The following KDM4C variants were observed in gnomAD, a reference collection of about 807,000 sequenced individuals.
The protein encoded by KDM4C is lysine-specific demethylase 4C.
A neutral mutation model predicts 129.3 loss-of-function variants in KDM4C; 81 were observed. The ratio of observed to expected loss-of-function variants is 0.63; its 90% CI spans 0.52 to 0.75. The LOEUF (loss-of-function observed/expected upper bound fraction) is 0.75, where lower values mean the gene tolerates loss of function less well. Among genes scored for constraint, KDM4C ranks in the 30% least tolerant of loss-of-function variants. The pLI is 0.00. For missense variants in KDM4C, 1,457 were observed against 1,304.0 expected (o/e 1.12, Z -1.81); for synonymous variants, 573 against 456.1 (o/e 1.26, Z -3.26).
intron 21 of KDM4C, among the ~76,000 whole-genome samples, chr9:7,172,642 G>A (rs902229557): frequency 5.3e-5 from 8 of 152,244 alleles, no homozygotes; most frequent in Non-Finnish European, 1.0e-4. Flanking sequence ...GGGGGAAGCC[G>A]TGGAGGTGGC....
intron 19 of KDM4C, among the ~76,000 whole-genome samples, chr9:7,158,538 T>TTG (rs916088630): frequency 6.6e-6 from 1 of 152,124 alleles, no homozygotes; most frequent in African/African-American, 2.4e-5. Context: ...TTCTGGTATG[T>TTG]TGTCTTTGTT....
chr9:6,799,529 C>T (rs1042785371), intron 2 of KDM4C, among the ~76,000 whole-genome samples: 3 of 150,264 alleles, frequency 2.0e-5, no homozygotes, highest in South Asian at 2.1e-4. Flanking sequence ...AGTCCAACTT[C>T]GGCTTGGCAT....
intron 4 of KDM4C, among the ~76,000 whole-genome samples, chr9:6,826,462 A>T (rs186822765): frequency 1.6e-3 from 244 of 152,294 alleles, no homozygotes; most frequent in African/African-American, 5.6e-3. Flanking sequence ...ATAATTGCAT[A>T]TAAAAAAAAT....
intron 1 of KDM4C, chr9:6,749,025 A>T (rs764284010): frequency 2.1e-5 from 14 of 652,512 alleles, no homozygotes; most frequent in African/African-American, 1.1e-4. Flanking sequence ...TATTATTATT[A>T]TTTTTATTTT....
intron 21 of KDM4C, among the ~76,000 whole-genome samples, chr9:7,171,189 A>G (rs908994236): frequency 1.8e-4 from 27 of 152,150 alleles, no homozygotes; most frequent in Admixed American, 1.5e-3. Context: ...CGTCAAGAGG[A>G]GTGGTGGTAT....
chr9:6,867,519 T>C (rs941601374), intron 5 of KDM4C, among the ~76,000 whole-genome samples: 29 of 152,346 alleles, frequency 1.9e-4, no homozygotes, highest in African/African-American at 5.8e-4. Flanking sequence ...ATTTTTGATA[T>C]GGGCAGACAG....
intron 17 of KDM4C, among the ~76,000 whole-genome samples, chr9:7,093,740 C>T (rs574635403): frequency 1.3e-5 from 2 of 152,310 alleles, no homozygotes; most frequent in South Asian, 4.1e-4. Context: ...TCAGTTTGTA[C>T]TATAGCAATC....
intron 4 of KDM4C, among the ~76,000 whole-genome samples, chr9:6,830,679 A>G (rs930311696): frequency 6.6e-6 from 1 of 152,214 alleles, no homozygotes; most frequent in African/African-American, 2.4e-5. Flanking sequence ...TGAAGGAATA[A>G]TGTGCCTATG....
chr9:6,888,477 A>G (rs1195223059), intron 7 of KDM4C, among the ~76,000 whole-genome samples: 1 of 152,196 alleles, frequency 6.6e-6, no homozygotes, highest in Non-Finnish European at 1.5e-5. Context: ...ACACATTTAG[A>G]CATAATACAA....
At chr9:7,014,966 T>G (rs1485328872) in intron 14 of KDM4C, among the ~76,000 whole-genome samples, 1 of 150,992 alleles carries the variant, frequency 6.6e-6, no homozygotes, top group African/African-American at 2.4e-5. Flanking sequence ...TACATTATTA[T>G]GTGTATACAA....
chr9:6,822,258 A>G (rs557761876), intron 4 of KDM4C, among the ~76,000 whole-genome samples: 12 of 152,338 alleles, frequency 7.9e-5, no homozygotes, highest in African/African-American at 2.4e-4. Flanking sequence ...GACAGATTAT[A>G]TGGCCTTCAA....
chr9:6,785,912 A>G (rs1272523100), intron 1 of KDM4C, among the ~76,000 whole-genome samples: 1 of 152,156 alleles, frequency 6.6e-6, no homozygotes, highest in Non-Finnish European at 1.5e-5. Flanking sequence ...GCCAGACTCC[A>G]TCACCTCAGG....
intron 1 of KDM4C, among the ~76,000 whole-genome samples, chr9:6,726,221 G>T (rs1335964057): frequency 1.3e-5 from 2 of 152,144 alleles, no homozygotes; most frequent in African/African-American, 4.8e-5. Flanking sequence ...ACCACAACCG[G>T]CCAGATTCTC....
At chr9:7,008,352 A>G (rs1487294070) in intron 12 of KDM4C, among the ~76,000 whole-genome samples, 2 of 152,120 alleles carry the variant, frequency 1.3e-5, no homozygotes, top group Non-Finnish European at 2.9e-5. Context: ...GTCAGTACCC[A>G]CATCCTTAGA....
chr9:6,821,535 G>C (rs1319693356), intron 4 of KDM4C, among the ~76,000 whole-genome samples: 1 of 152,166 alleles, frequency 6.6e-6, no homozygotes. Context: ...AGAAGCGCCT[G>C]TTCATATCCT....
chr9:7,053,039 C>G (rs1830425280), intron 17 of KDM4C, among the ~76,000 whole-genome samples: 1 of 151,972 alleles, frequency 6.6e-6, no homozygotes, highest in African/African-American at 2.4e-5. Context: ...TCCCTTGGGG[C>G]AAGTTAGAGT....
intron 1 of KDM4C, among the ~76,000 whole-genome samples, chr9:6,792,386 C>T (rs376057370): frequency 5.3e-5 from 8 of 151,828 alleles, no homozygotes; most frequent in African/African-American, 1.5e-4. Context: ...TTTTTTGAGA[C>T]GGAGTCTTAC....
At chr9:6,986,859 T>C (rs1221257469) in intron 11 of KDM4C, 193 bp downstream of exon 11, 3 of 506,900 alleles carry the variant, frequency 5.9e-6, no homozygotes, top group Non-Finnish European at 1.0e-5. Context: ...AGTGATAATT[T>C]AGCACATGGA....
chr9:7,122,316 A>T (rs1412324949), intron 18 of KDM4C, among the ~76,000 whole-genome samples: 3 of 151,414 alleles, frequency 2.0e-5, no homozygotes, highest in Non-Finnish European at 4.4e-5. Flanking sequence ...GAACTCTATC[A>T]CAAGACAGCA....
Sources: gnomAD v4.1 joint callset for allele counts (sites outside exome capture counted in the v4.1 genomes callset) on GRCh38, gnomAD v4.1.1 for gene constraint, MANE v1.5 for transcripts, NCBI Gene and HGNC (gene_info 2026-07-23, HGNC 2026-07-21) for gene names.